The following PRICKLE2 variants were observed in gnomAD, a reference collection of about 807,000 sequenced individuals.
The protein encoded by PRICKLE2 is prickle-like protein 2.
PRICKLE2 carries 21 observed loss-of-function variants against 81.4 expected under a neutral mutation model. The observed-to-expected ratio is 0.26, with a 90% CI of 0.18 to 0.37. PRICKLE2 has a LOEUF of 0.37. Ranked by LOEUF, PRICKLE2 falls within the 10% of genes least tolerant of loss-of-function variation. The pLI is 1.00. For missense variants in PRICKLE2, 940 were observed against 1,109.0 expected, an observed-to-expected ratio of 0.85 and a Z score of 2.16; for synonymous variants, 456 against 421.5, an observed-to-expected ratio of 1.08 and a Z score of -1.00.
chr3:64,217,142 A>C (rs2107143685), intron 1 of PRICKLE2, among the ~76,000 whole-genome samples: 1 of 152,292 alleles, frequency 6.6e-6, no homozygotes, highest in African/African-American at 2.4e-5. Flanking sequence ...TGCCTACAGA[A>C]AACAGCCCCT....
chr3:64,125,625 C>T (rs760840224), intron 7 of PRICKLE2, among the ~76,000 whole-genome samples: 5 of 113,392 alleles, frequency 4.4e-5, no homozygotes, highest in Non-Finnish European at 1.1e-4. Flanking sequence ...ATCAACAGCA[C>T]TTTCTAGTAA....
chr3:64,159,136 GGAAATCCA>G (rs1471601272), intron 4 of PRICKLE2, among the ~76,000 whole-genome samples: 1 of 152,124 alleles, frequency 6.6e-6, no homozygotes, highest in Non-Finnish European at 1.5e-5. Flanking sequence ...AGAGGAGACA[GGAAATCCA>G]GAATCTTGAA....
In PRICKLE2 at chr3:64,094,272, T is replaced by C. The variant is rs939199159; in HGVS notation, c.*4779A>G. 8 of 152,224 alleles carry C rather than the reference T, an allele frequency of 5.3e-5. No individual in the cohort carries two copies. Among genetic ancestry groups the C allele is most frequent in the Non-Finnish European group, 1.2e-4 (8 of 68,034 alleles). 9.4% of individuals were successfully genotyped at this position (152,224 alleles called of 1,614,324 possible). A position where few individuals can be genotyped will look rare whatever the true frequency, so the allele number is the denominator to read the frequency against. ...TCTATGACAGAATCATGACACTTTATGGAAAGATATGAAAATCAACTAGGT... is the reference window on the plus strand; with the variant it reads ...TCTATGACAGAATCATGACACTTTACGGAAAGATATGAAAATCAACTAGGT... On this transcript the variant is annotated 3_prime_UTR_variant, in exon 8 of 8. Transcript: ENST00000638394.
At chr3:64,179,296 G>T (rs1390946914) in intron 2 of PRICKLE2, among the ~76,000 whole-genome samples, 1 of 151,850 alleles carries the variant, frequency 6.6e-6, no homozygotes, top group Admixed American at 6.6e-5. Context: ...GGCTGGACTC[G>T]AACTCACTAC....
intron 7 of PRICKLE2, chr3:64,104,459 G>A (rs1191891494): frequency 6.6e-6 from 1 of 152,232 alleles, no homozygotes; most frequent in African/African-American, 2.4e-5. Context: ...TCCCCAGCAT[G>A]CTGTTTTCCC....
At chr3:64,243,536 G>T (rs1444841699) in intron 2 of PRICKLE2, among the ~76,000 whole-genome samples, 1 of 152,148 alleles carries the variant, frequency 6.6e-6, no homozygotes. Context: ...ACAGATTCTG[G>T]TATCAGTCAT....
At chr3:64,155,534 TG>T (rs535334926) in intron 5 of PRICKLE2, among the ~76,000 whole-genome samples, 5 of 152,194 alleles carry the variant, frequency 3.3e-5, no homozygotes, top group Non-Finnish European at 7.3e-5. Context: ...ATTCCACTCC[TG>T]GGTATACACT....
chr3:64,154,856 T>G (rs1379209028), intron 5 of PRICKLE2: 1 of 151,810 alleles, frequency 6.6e-6, no homozygotes, highest in African/African-American at 2.4e-5. Flanking sequence ...AACTCAATAA[T>G]GAGAAAAATA....
chr3:64,135,222 T>A (rs1274622255), intron 7 of PRICKLE2, among the ~76,000 whole-genome samples: 1 of 152,168 alleles, frequency 6.6e-6, no homozygotes, highest in Non-Finnish European at 1.5e-5. Flanking sequence ...AAGACTCAGA[T>A]AACAGAAACG....
chr3:64,162,208 C>G (rs754430873), intron 3 of PRICKLE2, among the ~76,000 whole-genome samples: 6 of 152,050 alleles, frequency 3.9e-5, no homozygotes, highest in Non-Finnish European at 7.4e-5. Context: ...TTTCTCCTAT[C>G]AATTAAAAAT....
chr3:64,136,540 A>G (rs1172591110), intron 7 of PRICKLE2, among the ~76,000 whole-genome samples: 1 of 151,474 alleles, frequency 6.6e-6, no homozygotes, highest in Admixed American at 6.6e-5. Flanking sequence ...ATGGAGAAAT[A>G]GACTCCCCAA....
intron 1 of PRICKLE2, 40 bp from the exon 2 acceptor site, chr3:64,199,007 A>T: frequency 3.1e-6 from 5 of 1,591,670 alleles, no homozygotes; most frequent in Non-Finnish European, 4.3e-6. Context: ...AGAGGAAAAA[A>T]CCTTTTTTTT....
At chr3:64,263,071 A>G (rs1382830062) in intron 2 of PRICKLE2, among the ~76,000 whole-genome samples, 1 of 152,178 alleles carries the variant, frequency 6.6e-6, no homozygotes, top group African/African-American at 2.4e-5. Context: ...TTGAATTGTG[A>G]TGGCTCAAGA....
intron 1 of PRICKLE2, among the ~76,000 whole-genome samples, chr3:64,206,912 T>G (rs1248109824): frequency 6.6e-6 from 1 of 152,170 alleles, no homozygotes; most frequent in African/African-American, 2.4e-5. Context: ...AAAGAACACA[T>G]TTTTTTGAGA....
intron 2 of PRICKLE2, among the ~76,000 whole-genome samples, chr3:64,233,358 C>T (rs904094856): frequency 6.6e-6 from 1 of 152,236 alleles, no homozygotes; most frequent in Admixed American, 6.5e-5. Context: ...CAAGACTACA[C>T]TGGTGATGCT....
At chr3:64,251,114 T>C (rs2079441526) in intron 2 of PRICKLE2, among the ~76,000 whole-genome samples, 1 of 152,212 alleles carries the variant, frequency 6.6e-6, no homozygotes, top group Non-Finnish European at 1.5e-5. Flanking sequence ...GATATTTTGA[T>C]TAAATGAATC....
At chr3:64,228,983 A>G (rs2079066024), upstream of PRICKLE2, among the ~76,000 whole-genome samples, 1 of 152,202 alleles carries the variant, frequency 6.6e-6, no homozygotes. Flanking sequence ...TTTTGGAATT[A>G]AAAAACAATT....
intron 2 of PRICKLE2, among the ~76,000 whole-genome samples, chr3:64,192,693 C>A (rs1211862315): frequency 3.3e-5 from 5 of 152,154 alleles, no homozygotes; most frequent in Non-Finnish European, 4.4e-5. Context: ...CTTTGGAAAG[C>A]CAAAAACTAG....
intron 7 of PRICKLE2, among the ~76,000 whole-genome samples, chr3:64,105,252 A>G (rs1213352823): frequency 1.3e-5 from 2 of 152,162 alleles, no homozygotes; most frequent in African/African-American, 4.8e-5. Flanking sequence ...CTTCTGGCCA[A>G]CCACTCACTA....
Sources: gnomAD v4.1 joint callset for allele counts (sites outside exome capture counted in the v4.1 genomes callset) on GRCh38, gnomAD v4.1.1 for gene constraint, MANE v1.5 for transcripts, NCBI Gene and HGNC (gene_info 2026-07-23, HGNC 2026-07-21) for gene names.